Variants in CNTNAP3B observed in about 807,000 individuals in gnomAD.
CNTNAP3B encodes the protein contactin-associated protein-like 3B.
Under a neutral mutation model 108.9 loss-of-function variants are expected in CNTNAP3B, and 25 were observed. The observed-to-expected ratio is 0.23, with a 90% CI of 0.17 to 0.32. The LOEUF (loss-of-function observed/expected upper bound fraction) is 0.32, where lower values mean the gene tolerates loss of function less well. CNTNAP3B is among the 10% of genes least tolerant of loss of function. The pLI is 1.00. For missense variants in CNTNAP3B, 252 were observed against 1,210.4 expected (o/e 0.21, Z 11.75); for synonymous variants, 103 against 473.4 (o/e 0.22, Z 10.16).
intron 6 of CNTNAP3B, among the ~76,000 whole-genome samples, chr9:41,997,220 C>T (rs1825915186): frequency 6.7e-6 from 1 of 149,350 alleles, no homozygotes; most frequent in Non-Finnish European, 1.5e-5. Flanking sequence ...AAAAAAAATC[C>T]CCCAGGAATC....
chr9:41,926,967 A>G (rs1237289338), intron 15 of CNTNAP3B, among the ~76,000 whole-genome samples: 1 of 152,310 alleles, frequency 6.6e-6, no homozygotes, highest in Non-Finnish European at 1.5e-5. Flanking sequence ...GGCAGGGGAA[A>G]AAGCTACAAA....
At position 42,078,938 on chromosome 9, in the gene CNTNAP3B, T is replaced by A. The variant is rs1827552049; in HGVS notation, c.197-1876A>T. 3.3e-5 allele frequency among the ~76,000 whole-genome samples: 5 copies of A among 151,594 alleles called. No individual in the cohort carries two copies. In the South Asian group the frequency reaches 1.0e-3, roughly 32 times the overall value. On this transcript the variant is annotated intron_variant, in intron 2 of 23. Transcript: ENST00000377561. ...CACTCAATTTAACAATGAACACTTA[T>A]CGAGCATTTGAGAACTCTAGGTCAG...
rs189809131 is a variant in CNTNAP3B at position 42,081,420 on chromosome 9, A to G, written c.197-4358T>C. On this transcript the variant is annotated intron_variant, in intron 2 of 23. Transcript: ENST00000377561. Reference sequence around the variant, plus strand: ...TTAAAGTTTTGCCACTTATTTTGTAATGGAAAACAAGGGAAAAGAGGGAAG... The same window carrying G: ...TTAAAGTTTTGCCACTTATTTTGTAGTGGAAAACAAGGGAAAAGAGGGAAG... 9.1e-5 allele frequency among the ~76,000 whole-genome samples: 13 copies of G among 142,190 alleles called. No individual in the cohort carries two copies. In the East Asian group the frequency reaches 2.8e-3, roughly 30 times the overall value. The allele number at this position is 142,190 out of a possible 152,430, so 93.3% of individuals were successfully genotyped here.
At chr9:42,017,235 C>A (rs543072166) in intron 3 of CNTNAP3B, among the ~76,000 whole-genome samples, 4 of 137,330 alleles carry the variant, frequency 2.9e-5, no homozygotes, top group Non-Finnish European at 4.7e-5. Flanking sequence ...TTAAATCTAA[C>A]AGTCACAGTC....
chr9:42,031,241 CG>C lies in CNTNAP3B; in HGVS notation c.391-17717del, dbSNP rs891903654. ...TTCTTTTCTTGCACTTACCTACATT[CG>C]GAGACTGTTTAATATCATCTCCTGC... On this transcript the variant is annotated intron_variant, in intron 3 of 23. Coordinates refer to ENST00000377561, the MANE Select transcript of CNTNAP3B (RefSeq NM_001201380.3). Among the ~76,000 whole-genome samples the C allele has an allele frequency of 4.2e-5, 5 of 117,812 alleles. 1 individual carries two copies. The highest frequency in any genetic ancestry group is 1.4e-4 in the African/African-American group (4 of 27,920). 77.3% of individuals were successfully genotyped at this position (117,812 alleles called of 152,430 possible).
chr9:41,927,986 C>T (rs1467667454), intron 15 of CNTNAP3B, among the ~76,000 whole-genome samples: 3 of 147,038 alleles, frequency 2.0e-5, no homozygotes, highest in African/African-American at 7.7e-5. Flanking sequence ...TAATAAAAAC[C>T]ATTTTTTCTT....
At chr9:41,951,157 T>C (rs1415296864) in intron 13 of CNTNAP3B, among the ~76,000 whole-genome samples, 1 of 142,668 alleles carries the variant, frequency 7.0e-6, no homozygotes, top group East Asian at 2.0e-4. Context: ...AGATGTCACC[T>C]TGGGGTGGGG....
intron 12 of CNTNAP3B, among the ~76,000 whole-genome samples, chr9:41,956,213 T>C (rs1374737818): frequency 6.6e-6 from 1 of 152,024 alleles, no homozygotes; most frequent in African/African-American, 2.4e-5. Flanking sequence ...AGTAAAACCC[T>C]ATCTCTACTA....
At chr9:41,967,345 T>A (rs1825311388) in intron 10 of CNTNAP3B, among the ~76,000 whole-genome samples, 1 of 151,950 alleles carries the variant, frequency 6.6e-6, no homozygotes, top group South Asian at 2.1e-4. Context: ...TAAAGGGGAG[T>A]TTCCCTGCAC....
chr9:41,925,572 A>G (rs1395687314), intron 15 of CNTNAP3B, among the ~76,000 whole-genome samples: 87 of 151,886 alleles, frequency 5.7e-4, no homozygotes, highest in South Asian at 4.2e-4. Context: ...CAGCCTGCGC[A>G]ACAGAGCGAG....
chr9:41,934,842 A>G (rs1426300446), intron 14 of CNTNAP3B, among the ~76,000 whole-genome samples: 16 of 152,404 alleles, frequency 1.0e-4, no homozygotes, highest in Middle Eastern at 6.8e-3. Context: ...TATTATGATT[A>G]TTTGTACACT....
chr9:41,922,247 T>C (rs370060425), intron 17 of CNTNAP3B, among the ~76,000 whole-genome samples: 407 of 114,416 alleles, frequency 3.6e-3, no homozygotes, highest in East Asian at 0.015. Context: ...GGGTGGATCA[T>C]CAGGTCAAGA....
rs1221482836 is a variant in CNTNAP3B at position 41,972,902 on chromosome 9, C to T, written c.1478-2657G>A. The stretch of plus-strand genomic sequence containing the variant: ...ACAGTTCTGCTAATCTTTCTTTCAC[C>T]ATGTGGTGTTTCCTGACACATAACT... On this transcript the variant is annotated intron_variant, in intron 9 of 23. Transcript: ENST00000377561. 1.5e-5 allele frequency among the ~76,000 whole-genome samples: 2 copies of T among 129,116 alleles called. 1 individual carries two copies. Among genetic ancestry groups the T allele is most frequent in the East Asian group, 4.9e-4 (2 of 4,084 alleles). The allele number at this position is 129,116 out of a possible 152,430, so 84.7% of individuals were successfully genotyped here.
In CNTNAP3B at chr9:42,129,219, C is replaced by G. The variant is rs1317174898; in HGVS notation, c.-125G>C. 29 of 1,379,328 alleles carry G rather than the reference C, an allele frequency of 2.1e-5. 1 individual carries two copies. The South Asian group carries it at 2.9e-4, about 14-fold the overall frequency. The allele number at this position is 1,379,328 out of a possible 1,614,324, so 85.4% of individuals were successfully genotyped here. ...TCCGACGCTGCTCTGTCTCCCCTGT[C>G]CAGTCTCTAGCTCTCTTCCTCACGC... On this transcript the variant is annotated 5_prime_UTR_variant, in exon 1 of 24. Transcript: ENST00000377561.
At chr9:41,927,534 A>G (rs1472025644) in intron 15 of CNTNAP3B, among the ~76,000 whole-genome samples, 6 of 148,560 alleles carry the variant, frequency 4.0e-5, no homozygotes, top group African/African-American at 1.5e-4. Context: ...AGGGAAGGAG[A>G]GAAAGAGGGA....
intron 1 of CNTNAP3B, among the ~76,000 whole-genome samples, chr9:42,121,309 C>T (rs181702365): frequency 0.013 from 1,849 of 139,684 alleles, 281 homozygotes; most frequent in Non-Finnish European, 0.02. Context: ...ATTCTTCCCT[C>T]TTTTATGAGC....
At chr9:41,923,835 A>T in intron 16 of CNTNAP3B, 88 bp downstream of exon 16, 3 of 1,536,188 alleles carry the variant, frequency 2.0e-6, no homozygotes, top group Non-Finnish European at 2.6e-6. Flanking sequence ...ATCACAAAGT[A>T]AGAATGAAAT....
chr9:41,964,834 A>G (rs1245226693), intron 10 of CNTNAP3B, among the ~76,000 whole-genome samples, 190 bp from the exon 11 acceptor site: 3 of 152,246 alleles, frequency 2.0e-5, no homozygotes, highest in African/African-American at 7.2e-5. Context: ...ATTAGCATGC[A>G]GCTGATTATT....
intron 11 of CNTNAP3B, among the ~76,000 whole-genome samples, chr9:41,962,675 G>T (rs1212854133): frequency 6.9e-6 from 1 of 145,606 alleles, no homozygotes; most frequent in Non-Finnish European, 1.5e-5. Flanking sequence ...TGTCACAGCG[G>T]CTGGGCATGG....
Sources: gnomAD v4.1 joint callset for allele counts (sites outside exome capture counted in the v4.1 genomes callset) on GRCh38, gnomAD v4.1.1 for gene constraint, MANE v1.5 for transcripts, NCBI Gene and HGNC (gene_info 2026-07-23, HGNC 2026-07-21) for gene names.